Variants in RPL11 observed in about 807,000 individuals in gnomAD.
The protein encoded by RPL11 is ribosomal protein L11, also known as large ribosomal subunit protein uL5.
A neutral mutation model predicts 24.1 loss-of-function variants in RPL11; 3 were observed. The observed-to-expected ratio is 0.12, with a 90% CI of 0.06 to 0.32. The LOEUF is 0.32. RPL11 is among the 10% of genes least tolerant of loss of function. RPL11 has a pLI of 1.00. For missense variants in RPL11, 146 were observed against 225.7 expected, an observed-to-expected ratio of 0.65 and a Z score of 2.26; for synonymous variants, 96 against 75.7, an observed-to-expected ratio of 1.27 and a Z score of -1.39.
At position 23,694,811 on chromosome 1, in the gene RPL11, T is replaced by A. The variant is rs761047900; in HGVS notation, c.396+20T>A. 6.2e-6 allele frequency: 10 copies of A among 1,614,182 alleles called. No homozygotes were observed. Among genetic ancestry groups the A allele is most frequent in the Non-Finnish European group, 8.5e-6 (10 of 1,180,012 alleles). On this transcript the variant is annotated intron_variant, in intron 4 of 5. Transcript: ENST00000643754. ...TATGTGGTATGAATATTTAATCTTT[T>A]CCCGCTCCTGGTCTGTGAGGAGAGG...
rs1466998891 is a variant in RPL11 at position 23,695,782 on chromosome 1, GT to G, written c.397-14del. ...CTCTGAGCTGGCTAGGTGACTGTTG[GT>G]TATTCCTGGGACAGGTGCTGGGTAG... On this transcript the variant is annotated splice_polypyrimidine_tract_variant and intron_variant, in intron 4 of 5. Transcript: ENST00000643754. 10 of 1,571,968 alleles carry G rather than the reference GT, an allele frequency of 6.4e-6. No homozygotes were observed. The highest frequency in any genetic ancestry group is 8.6e-6 in the Non-Finnish European group (10 of 1,158,674).
chr1:23,693,814 C>T lies in RPL11; in HGVS notation c.165C>T (p.Tyr55=). 1 of 1,613,826 alleles carries T rather than the reference C, an allele frequency of 6.2e-7. No individual in the cohort carries two copies. The highest frequency in any genetic ancestry group is 8.5e-7 in the Non-Finnish European group (1 of 1,179,728). ...GTTACCCACTTCCTGCAGCTAGATA[C>T]ACTGTCAGATCCTTTGGCATCCGGA... is the stretch of plus-strand genomic sequence containing the variant. ...GQTPVFSKAR[Y]TVRSFGIRRN... Residue 55 remains tyrosine, a synonymous_variant, in exon 3 of 6, where the codon TAC becomes TAT. Transcript: ENST00000643754.
intron 4 of RPL11, chr1:23,695,443 C>T (rs1644527606): frequency 6.3e-6 from 2 of 319,748 alleles, no homozygotes; most frequent in South Asian, 3.0e-5. Context: ...TATATTTGTG[C>T]TTCTCAGAGT....
chr1:23,695,581 G>T (rs1355198765), intron 4 of RPL11: 5 of 593,218 alleles, frequency 8.4e-6, no homozygotes, highest in Admixed American at 2.5e-5. Context: ...GGTTAGGGGG[G>T]TGCTGAAAGT....
At chr1:23,692,886 C>A in intron 2 of RPL11, 127 bp downstream of exon 2, 2 of 1,192,080 alleles carry the variant, frequency 1.7e-6, no homozygotes, top group Non-Finnish European at 1.2e-6. Flanking sequence ...ATTCATGAGC[C>A]GGCCAAGAGG....
chr1:23,693,115 A>G (rs1348771590), intron 2 of RPL11, among the ~76,000 whole-genome samples: 2 of 152,168 alleles, frequency 1.3e-5, no homozygotes, highest in African/African-American at 4.8e-5. Flanking sequence ...GTACGGGAGC[A>G]TGAGGCTTCA....
chr1:23,693,928 C>T lies in RPL11; in HGVS notation c.264+15C>T, dbSNP rs765761574. 1.3e-6 allele frequency: 2 copies of T among 1,578,726 alleles called. No homozygotes were observed. The highest frequency in any genetic ancestry group is 1.3e-5 in the African/African-American group (1 of 74,154). ...AGGGTCTAAAGGTGAGCCTAATCCC[C>T]TAATGGAGTGATATTGATCAGCACT... is the stretch of plus-strand genomic sequence containing the variant. On this transcript the variant is annotated intron_variant, in intron 3 of 5. Coordinates refer to ENST00000643754, the MANE Select transcript of RPL11 (RefSeq NM_000975.5).
At chr1:23,691,948 C>T (rs1644502331) in intron 1 of RPL11, 119 bp downstream of exon 1, 12 of 1,330,656 alleles carry the variant, frequency 9.0e-6, no homozygotes, top group South Asian at 3.5e-5. Flanking sequence ...TGCCTGCTGG[C>T]CCAAAACTAG....
chr1:23,693,506 G>C (rs577074032), intron 2 of RPL11, among the ~76,000 whole-genome samples: 1 of 152,220 alleles, frequency 6.6e-6, no homozygotes, highest in African/African-American at 2.4e-5. Context: ...TTTGGAACAT[G>C]ATAATCTTAC....
intron 5 of RPL11, 92 bp from the exon 6 acceptor site, chr1:23,696,252 A>G: frequency 8.2e-7 from 1 of 1,217,066 alleles, no homozygotes; most frequent in Non-Finnish European, 1.2e-6. Context: ...AAGTTCATGT[A>G]TCAATCAGAT....
intron 1 of RPL11, chr1:23,692,356 T>G (rs970181608): frequency 1.4e-5 from 7 of 495,166 alleles, no homozygotes; most frequent in Admixed American, 1.3e-4. Context: ...TAGGGTTCGA[T>G]CTCAGTGTCC....
At chr1:23,695,988 G>C in intron 5 of RPL11, 80 bp downstream of exon 5, 1 of 1,312,516 alleles carries the variant, frequency 7.6e-7, no homozygotes, top group South Asian at 1.3e-5. Context: ...GCAAAATATA[G>C]TACTATTTGC....
At chr1:23,692,540 A>G (rs1296285795) in intron 1 of RPL11, 69 bp from the exon 2 acceptor site, 5 of 1,586,892 alleles carry the variant, frequency 3.2e-6, no homozygotes, top group Non-Finnish European at 4.3e-6. Flanking sequence ...AATGCTGTGC[A>G]GATAGAAAGT....
Position 23,696,477 on chromosome 1 carries a change from C to T in RPL11, c.*104C>T. The T allele has an allele frequency of 8.6e-7, 1 of 1,164,718 alleles. No individual in the cohort carries two copies. Among genetic ancestry groups the T allele is most frequent in the Admixed American group, 1.8e-5 (1 of 55,418 alleles). The allele number at this position is 1,164,718 out of a possible 1,614,324, so 72.1% of individuals were successfully genotyped here. On this transcript the variant is annotated 3_prime_UTR_variant, in exon 6 of 6. Transcript: ENST00000643754. ...CCTGGCCATATTCAAGTCCTTGGAC[C>T]TCAAGCCACTTAAAGCTTCGATGGG...
chr1:23,695,180 C>T, intron 4 of RPL11: 1 of 347,946 alleles, frequency 2.9e-6, no homozygotes, highest in South Asian at 2.4e-5. Flanking sequence ...ATAGAAACAG[C>T]TTTGGGTGAT....
Position 23,696,472 on chromosome 1 carries a change from T to A in RPL11, c.*99T>A. The A allele has an allele frequency of 7.9e-7, 1 of 1,265,448 alleles. No individual in the cohort carries two copies. The allele number at this position is 1,265,448 out of a possible 1,614,324, so 78.4% of individuals were successfully genotyped here. A position where few individuals can be genotyped will look rare whatever the true frequency, so the allele number is the denominator to read the frequency against. On this transcript the variant is annotated 3_prime_UTR_variant, in exon 6 of 6. Transcript: ENST00000643754. Reference sequence around the variant, plus strand: ...AGGATCCTGGCCATATTCAAGTCCTTGGACCTCAAGCCACTTAAAGCTTCG... The same window carrying A: ...AGGATCCTGGCCATATTCAAGTCCTAGGACCTCAAGCCACTTAAAGCTTCG...
At chr1:23,692,585 G>A (rs781572331) in intron 1 of RPL11, 24 bp from the exon 2 acceptor site, 5 of 1,613,786 alleles carry the variant, frequency 3.1e-6, no homozygotes, top group Non-Finnish European at 4.2e-6. Flanking sequence ...TGAGTGTATT[G>A]ACTGCTGCTC....
chr1:23,696,329 T>C lies in RPL11; in HGVS notation c.508-15T>C. On this transcript the variant is annotated splice_polypyrimidine_tract_variant and intron_variant, in intron 5 of 5. Coordinates refer to ENST00000643754, the MANE Select transcript of RPL11 (RefSeq NM_000975.5). ...TGCCTCCTGTTCTGAAAAAATTAAATCTCTTCTCTTTCAGTATGATGGGAT... is the reference window on the plus strand; with the variant it reads ...TGCCTCCTGTTCTGAAAAAATTAAACCTCTTCTCTTTCAGTATGATGGGAT... 1 of 1,613,696 alleles carries C rather than the reference T, an allele frequency of 6.2e-7. No homozygotes were observed. The highest frequency in any genetic ancestry group is 8.5e-7 in the Non-Finnish European group (1 of 1,179,642).
chr1:23,695,720 T>G (rs1293321796), intron 4 of RPL11, 78 bp from the exon 5 acceptor site: 38 of 1,299,972 alleles, frequency 2.9e-5, no homozygotes, highest in Non-Finnish European at 4.1e-5. Context: ...TTTGAAGATC[T>G]GTCTGTAATG....
Sources: gnomAD v4.1 joint callset for allele counts (sites outside exome capture counted in the v4.1 genomes callset) on GRCh38, gnomAD v4.1.1 for gene constraint, MANE v1.5 for transcripts, NCBI Gene and HGNC (gene_info 2026-07-23, HGNC 2026-07-21) for gene names.